The following SLC1A2 variants were observed in gnomAD, a reference collection of about 807,000 sequenced individuals.
The protein encoded by SLC1A2 is excitatory amino acid transporter 2.
Under a neutral mutation model 48.8 loss-of-function variants are expected in SLC1A2, and 15 were observed. The observed-to-expected ratio is 0.31, with a 90% CI of 0.21 to 0.47. The LOEUF (loss-of-function observed/expected upper bound fraction) is 0.47. SLC1A2 is among the 20% of genes least tolerant of loss of function. The probability of loss-of-function intolerance (pLI) is 0.99; values close to 1 mark genes in which losing one functional copy is unlikely to be tolerated. For synonymous variants in SLC1A2, 279 were observed against 272.6 expected, an observed-to-expected ratio of 1.02 and a Z score of -0.23; for missense variants, 502 against 730.5, an observed-to-expected ratio of 0.69 and a Z score of 3.61.
At chr11:35,415,385 C>T (rs1205851092) in intron 1 of SLC1A2, among the ~76,000 whole-genome samples, 1 of 152,212 alleles carries the variant, frequency 6.6e-6, no homozygotes, top group Non-Finnish European at 1.5e-5. Flanking sequence ...TCTTAGTAAA[C>T]ATGAAATGGT....
rs1445846272 is a variant in SLC1A2, at chr11:35,251,489, A to G, written c.*9405T>C. 1.3e-5 allele frequency: 2 copies of G among 152,532 alleles called. No homozygotes were observed. Among genetic ancestry groups the G allele is most frequent in the Non-Finnish European group, 2.9e-5 (2 of 68,028 alleles). The allele number at this position is 152,532 out of a possible 1,614,324, so 9.4% of individuals were successfully genotyped here. A position where few individuals can be genotyped will look rare whatever the true frequency, so the allele number is the denominator to read the frequency against. On this transcript the variant is annotated 3_prime_UTR_variant, in exon 11 of 11. Transcript: ENST00000278379. ...TTGAAGATTTTATCTTTTTGCATTC[A>G]TTAGTCTTTAAACACTATGTGCTAT... is the stretch of plus-strand genomic sequence containing the variant.
At chr11:35,268,167 C>T (rs1157432959) in intron 9 of SLC1A2, among the ~76,000 whole-genome samples, 2 of 152,180 alleles carry the variant, frequency 1.3e-5, no homozygotes, top group East Asian at 1.9e-4. Context: ...AGACCTGACT[C>T]AGATACTTTT....
intron 1 of SLC1A2, among the ~76,000 whole-genome samples, chr11:35,377,271 C>A (rs1484579398): frequency 2.6e-5 from 4 of 152,162 alleles, no homozygotes; most frequent in African/African-American, 9.7e-5. Context: ...GAATGGAAAC[C>A]ACGTGTCTCA....
chr11:35,405,596 A>C (rs565498005), intron 1 of SLC1A2, among the ~76,000 whole-genome samples: 2 of 152,234 alleles, frequency 1.3e-5, no homozygotes, highest in Non-Finnish European at 2.9e-5. Flanking sequence ...GGAAAGACAG[A>C]GGATGGGCTC....
chr11:35,411,749 T>G (rs1465285635), intron 1 of SLC1A2, among the ~76,000 whole-genome samples: 1 of 152,240 alleles, frequency 6.6e-6, no homozygotes, highest in Non-Finnish European at 1.5e-5. Flanking sequence ...CTTCATGTAC[T>G]ACTACTTCTT....
At chr11:35,281,260 G>A (rs1027315867) in intron 8 of SLC1A2, among the ~76,000 whole-genome samples, 6 of 152,180 alleles carry the variant, frequency 3.9e-5, no homozygotes, top group African/African-American at 1.2e-4. Flanking sequence ...ATGCTATCCG[G>A]TTAGTCTAAT....
intron 9 of SLC1A2, among the ~76,000 whole-genome samples, chr11:35,279,614 C>T (rs1393577000): frequency 6.6e-6 from 1 of 152,206 alleles, no homozygotes; most frequent in Non-Finnish European, 1.5e-5. Flanking sequence ...GGTTATGATT[C>T]AGCTCAGCTA....
intron 1 of SLC1A2, among the ~76,000 whole-genome samples, chr11:35,398,806 C>G (rs574452425): frequency 6.6e-6 from 1 of 152,292 alleles, no homozygotes; most frequent in African/African-American, 2.4e-5. Flanking sequence ...AAAGGCTACT[C>G]AAATACATAT....
At chr11:35,285,507 T>C (rs1269125092) in intron 8 of SLC1A2, 1 of 152,248 alleles carries the variant, frequency 6.6e-6, no homozygotes, top group Non-Finnish European at 1.5e-5. Flanking sequence ...TGGAATTCTC[T>C]TTCTACTACA....
intron 1 of SLC1A2, among the ~76,000 whole-genome samples, chr11:35,371,769 C>A (rs1267086795): frequency 6.6e-6 from 1 of 152,144 alleles, no homozygotes; most frequent in Non-Finnish European, 1.5e-5. Context: ...AAATGCAGAA[C>A]CCCAGGCCCC....
At chr11:35,306,305 AG>A in intron 4 of SLC1A2, 63 bp from the exon 5 acceptor site, 1 of 1,265,980 alleles carries the variant, frequency 7.9e-7, no homozygotes, top group Non-Finnish European at 1.1e-6. Flanking sequence ...AAAAAAAAAA[AG>A]ATTGGCTACT....
intron 1 of SLC1A2, among the ~76,000 whole-genome samples, chr11:35,345,659 C>T (rs1443016098): frequency 6.6e-6 from 1 of 152,074 alleles, no homozygotes; most frequent in East Asian, 1.9e-4. Context: ...GCAGAGGTTA[C>T]CAGAGTTAAC....
chr11:35,416,206 A>G (rs1340128383), intron 1 of SLC1A2, among the ~76,000 whole-genome samples: 2 of 152,222 alleles, frequency 1.3e-5, no homozygotes, highest in Non-Finnish European at 2.9e-5. Flanking sequence ...AGATCAATGC[A>G]CAGGTTACAA....
chr11:35,260,905 G>T lies in SLC1A2; in HGVS notation c.1714C>A (p.Arg572Ser), dbSNP rs760172288. The change falls in exon 11 of 11, where the codon CGT becomes AGT. Residue 572 changes from arginine to serine, a missense_variant. By Grantham distance (110) the Arg-to-Ser change is moderately radical. Transcript: ENST00000278379. ...DCSVEEEPWKREK is the reference protein window; with the variant it reads ...DCSVEEEPWKSEK The stretch of plus-strand genomic sequence containing the variant: ...TGAGACTCATATCCTTATTTCTCAC[G>T]TTTCCAAGGTTCTTCCTCAACACTG... 2 of 1,612,346 alleles carry T rather than the reference G, an allele frequency of 1.2e-6. No individual in the cohort carries two copies. Among genetic ancestry groups the T allele is most frequent in the Non-Finnish European group, 1.7e-6 (2 of 1,178,490 alleles).
chr11:35,286,289 G>C lies in SLC1A2; in HGVS notation c.1286+468C>G, dbSNP rs146346384. 645 of 152,816 alleles carry C rather than the reference G, an allele frequency of 4.2e-3. 6 individuals carry two copies. The highest frequency in any genetic ancestry group is 6.2e-3 in the South Asian group (30 of 4,828). 9.5% of individuals were successfully genotyped at this position (152,816 alleles called of 1,614,324 possible). On this transcript the variant is annotated intron_variant, in intron 8 of 10. Coordinates refer to ENST00000278379, the MANE Select transcript of SLC1A2 (RefSeq NM_004171.4). ...TTTGTAATTTCTGCCATTACCCTCTGGTGATGGAATATTGAAGGGAGCATA... is the reference window on the plus strand; with the variant it reads ...TTTGTAATTTCTGCCATTACCCTCTCGTGATGGAATATTGAAGGGAGCATA...
chr11:35,332,477 T>A (rs1164963448), intron 1 of SLC1A2, among the ~76,000 whole-genome samples: 1 of 152,258 alleles, frequency 6.6e-6, no homozygotes, highest in Non-Finnish European at 1.5e-5. Context: ...CCTGTTTTTA[T>A]TTGAATCCTC....
intron 1 of SLC1A2, among the ~76,000 whole-genome samples, chr11:35,378,942 C>T (rs985566637): frequency 6.6e-6 from 1 of 152,142 alleles, no homozygotes; most frequent in Admixed American, 6.5e-5. Flanking sequence ...AAATTTGTGA[C>T]ACATGGCCAG....
At position 35,256,565 on chromosome 11, in the gene SLC1A2, C is replaced by A. The variant is rs1950316710; in HGVS notation, c.*4329G>T. 1.3e-5 allele frequency: 2 copies of A among 152,418 alleles called. No individual in the cohort carries two copies. 9.4% of individuals were successfully genotyped at this position (152,418 alleles called of 1,614,324 possible). ...TACAGATACTGAGACCATTTATCTTCTTTGACAATTAGACTTACAAAACTC... is the reference window on the plus strand; with the variant it reads ...TACAGATACTGAGACCATTTATCTTATTTGACAATTAGACTTACAAAACTC... On this transcript the variant is annotated 3_prime_UTR_variant, in exon 11 of 11. Transcript: ENST00000278379.
chr11:35,271,227 G>A (rs1850271077), intron 9 of SLC1A2, among the ~76,000 whole-genome samples: 1 of 152,228 alleles, frequency 6.6e-6, no homozygotes, highest in Non-Finnish European at 1.5e-5. Flanking sequence ...TGGACACGTT[G>A]AGGGTGAAGC....
Sources: allele counts gnomAD v4.1 joint callset (sites outside exome capture counted in the v4.1 genomes callset), GRCh38; gene constraint gnomAD v4.1.1; transcripts MANE v1.5; gene names NCBI Gene and HGNC (gene_info 2026-07-23, HGNC 2026-07-21).